Variants in LYSMD2 observed in about 807,000 individuals in gnomAD.
LYSMD2 encodes LysM domain containing 2.
In LYSMD2, 6 loss-of-function variants were observed where a neutral mutation model predicts 17.7. The ratio of observed to expected loss-of-function variants is 0.34; its 90% CI spans 0.19 to 0.67. The LOEUF is 0.67. LYSMD2 is among the 30% of genes least tolerant of loss of function. The pLI is 0.69. For missense variants in LYSMD2, 237 were observed against 286.7 expected, an observed-to-expected ratio of 0.83 and a Z score of 1.25; for synonymous variants, 102 against 129.8, an observed-to-expected ratio of 0.79 and a Z score of 1.45.
chr15:51,730,595 C>T (rs1284989880), intron 1 of LYSMD2, among the ~76,000 whole-genome samples: 1 of 152,188 alleles, frequency 6.6e-6, no homozygotes, highest in Admixed American at 6.5e-5. Context: ...CCAGAAGATA[C>T]CTTAAGAGCA....
At chr15:51,743,843 A>G (rs1474185409) in intron 1 of LYSMD2, among the ~76,000 whole-genome samples, 2 of 152,110 alleles carry the variant, frequency 1.3e-5, no homozygotes, top group East Asian at 3.8e-4. Context: ...ATACCTAAGT[A>G]TTTATTTGTT....
intron 1 of LYSMD2, among the ~76,000 whole-genome samples, chr15:51,733,682 CTA>C: frequency 6.6e-6 from 1 of 152,080 alleles, no homozygotes. Flanking sequence ...TGTTCACAAA[CTA>C]TTAAAAATTT....
Position 51,737,262 on chromosome 15 carries a change from T to TGCCCCCCCCCC in LYSMD2, c.273+87_273+88insGGGGGGGGGGC. ...CCATCCCCCAAACCCCCACCCGCAG[T>TGCCCCCCCCCC]CCCACCCCCACCCCCACCGCACCCC... On this transcript the variant is annotated intron_variant, in intron 1 of 2. Transcript: ENST00000267838. This position sits in a 1 kb window ranked among gnomAD's most constrained non-coding sequence, Gnocchi z 4.2. 3 of 134,040 alleles carry TGCCCCCCCCCC rather than the reference T, an allele frequency of 2.2e-5. No homozygotes were observed. The highest frequency in any genetic ancestry group is 1.9e-4 in the East Asian group (1 of 5,308). The allele number at this position is 134,040 out of a possible 1,614,324, so 8.3% of individuals were successfully genotyped here.
At position 51,737,571 on chromosome 15, in the gene LYSMD2, G is replaced by C; in HGVS notation, c.52C>G (p.Pro18Ala). Reference sequence around the variant, plus strand: ...GGCGGCGAGGGGGCCGAGGGCCGCGGCGCGCGGGGGCCGCCTTCCCGCAGG... The same window carrying C: ...GGCGGCGAGGGGGCCGAGGGCCGCGCCGCGCGGGGGCCGCCTTCCCGCAGG... ...LSLREGGPRA[P>A]RPSAPSPPPR... Residue 18 changes from proline (P) to alanine (A), a missense_variant, in exon 1 of 3, where the codon CCG (proline) becomes GCG (alanine). Coordinates refer to ENST00000267838, the MANE Select transcript of LYSMD2 (RefSeq NM_153374.3). The surrounding 1 kb of genome is among the most constrained non-coding windows in gnomAD (Gnocchi z 4.2). 8.2e-7 allele frequency: 1 copy of C among 1,219,560 alleles called. No individual in the cohort carries two copies. The highest frequency in any genetic ancestry group is 1.0e-6 in the Non-Finnish European group (1 of 982,060). The allele number at this position is 1,219,560 out of a possible 1,614,324, so 75.5% of individuals were successfully genotyped here. A position where few individuals can be genotyped will look rare whatever the true frequency, so the allele number is the denominator to read the frequency against.
chr15:51,747,031 A>AG (rs2055671384), intron 1 of LYSMD2, among the ~76,000 whole-genome samples: 1 of 150,716 alleles, frequency 6.6e-6, no homozygotes, highest in Non-Finnish European at 1.5e-5. Flanking sequence ...AAAAAAAAAA[A>AG]AAAAAAAAAA....
upstream of LYSMD2, chr15:51,737,726 G>T (rs1891965072): frequency 3.3e-6 from 3 of 897,868 alleles, no homozygotes; most frequent in South Asian, 1.1e-4. This position sits in a 1 kb window ranked among gnomAD's most constrained non-coding sequence, Gnocchi z 4.2. Flanking sequence ...GGCTGCAGCA[G>T]GCCGTTCCGC....
chr15:51,745,239 T>G (rs1161268241), intron 1 of LYSMD2, among the ~76,000 whole-genome samples: 3 of 152,100 alleles, frequency 2.0e-5, no homozygotes, highest in Non-Finnish European at 4.4e-5. Context: ...ATAGAACACT[T>G]TCTAACTCAT....
At chr15:51,735,682 G>A (rs1479301208) in intron 1 of LYSMD2, among the ~76,000 whole-genome samples, 1 of 152,206 alleles carries the variant, frequency 6.6e-6, no homozygotes, top group Admixed American at 6.5e-5. Flanking sequence ...TGAGTAATAG[G>A]ATCTATATTA....
At chr15:51,735,766 T>C (rs143105946) in intron 1 of LYSMD2, among the ~76,000 whole-genome samples, 62 of 152,352 alleles carry the variant, frequency 4.1e-4, no homozygotes, top group African/African-American at 1.4e-3. Flanking sequence ...GAGTTATCTA[T>C]AATCAACTCA....
rs140226816 is a variant in LYSMD2 at position 51,725,019 on chromosome 15, T to C, written c.376A>G (p.Asn126Asp). The C allele has an allele frequency of 4.2e-5, 67 of 1,613,964 alleles. No individual in the cohort carries two copies. The African/African-American group carries it at 6.4e-4, about 15-fold the overall frequency. ...GGAGAATCAATGGAGTTAAGTCCAT[T>C]AAACAACAAAGGCTTCTCTGATATA... Reference protein sequence around the residue: ...PVISEKPLLFNGLNSIDSPEN... With the variant: ...PVISEKPLLFDGLNSIDSPEN... Residue 126 changes from asparagine to aspartate, a missense_variant, in exon 2 of 3, where the codon AAT (asparagine) becomes GAT (aspartate). By Grantham distance (23) the Asn-to-Asp change is conservative. Coordinates refer to ENST00000267838, the MANE Select transcript of LYSMD2 (RefSeq NM_153374.3).
intron 1 of LYSMD2, among the ~76,000 whole-genome samples, chr15:51,733,209 C>T (rs537570737): frequency 6.6e-6 from 1 of 152,062 alleles, no homozygotes; most frequent in East Asian, 1.9e-4. Context: ...CCCTTACCTC[C>T]TTCTCAGCAA....
In LYSMD2 at chr15:51,737,155, C is replaced by T. The variant is rs2055614940; in HGVS notation, c.273+195G>A. On this transcript the variant is annotated intron_variant, in intron 1 of 2. Coordinates refer to ENST00000267838, the MANE Select transcript of LYSMD2 (RefSeq NM_153374.3). This position sits in a 1 kb window ranked among gnomAD's most constrained non-coding sequence, Gnocchi z 4.2. Reference sequence around the variant, plus strand: ...CCCGCTGCAGGACCAGCTTTGGCGACCACTGCGGTGGCCAGCAGCGCGCGC... The same window carrying T: ...CCCGCTGCAGGACCAGCTTTGGCGATCACTGCGGTGGCCAGCAGCGCGCGC... Among the ~76,000 whole-genome samples the T allele has an allele frequency of 6.6e-6, 1 of 152,184 alleles. No homozygotes were observed. The highest frequency in any genetic ancestry group is 1.5e-5 in the Non-Finnish European group (1 of 68,024).
Position 51,737,592 on chromosome 15 carries a change from G to A in LYSMD2, c.31C>T (p.Arg11Trp). The part of the protein sequence containing the change: MADSSPALSL[R>W]EGGPRAPRPS... ...CGCGGCGCGCGGGGGCCGCCTTCCC[G>A]CAGGGACAGTGCGGGCGAGGAATCC... The change falls in exon 1 of 3, where the codon CGG (arginine) becomes TGG (tryptophan). Residue 11 changes from arginine to tryptophan, a missense_variant. By Grantham distance (101) the Arg-to-Trp change is moderately radical. Transcript: ENST00000267838. The surrounding 1 kb of genome is among the most constrained non-coding windows in gnomAD (Gnocchi z 4.2). 1 of 1,215,772 alleles carries A rather than the reference G, an allele frequency of 8.2e-7. No homozygotes were observed. The highest frequency in any genetic ancestry group is 1.0e-6 in the Non-Finnish European group (1 of 979,220). The allele number at this position is 1,215,772 out of a possible 1,614,324, so 75.3% of individuals were successfully genotyped here. A position where few individuals can be genotyped will look rare whatever the true frequency, so the allele number is the denominator to read the frequency against.
chr15:51,742,065 C>T (rs1457885854), upstream of LYSMD2, among the ~76,000 whole-genome samples: 2 of 150,964 alleles, frequency 1.3e-5, no homozygotes, highest in Non-Finnish European at 2.9e-5. Flanking sequence ...GACGGAGTCT[C>T]GCTCTGTCGC....
At chr15:51,740,294 A>G (rs918842855), upstream of LYSMD2, among the ~76,000 whole-genome samples, 2 of 152,214 alleles carry the variant, frequency 1.3e-5, no homozygotes, top group Non-Finnish European at 2.9e-5. Flanking sequence ...TTTAAAAAAA[A>G]GAACTGAGTT....
rs2055512386 is a variant in LYSMD2, at chr15:51,723,019, A to G, written c.*588T>C. On this transcript the variant is annotated 3_prime_UTR_variant, in exon 3 of 3. Transcript: ENST00000267838. ...CTGTCAGCATTTAAATGTATAATTT[A>G]AAAGTCAATTTTATTTTCTCATTTG... is the stretch of plus-strand genomic sequence containing the variant. 2.0e-5 allele frequency: 3 copies of G among 152,116 alleles called. No individual in the cohort carries two copies. Among genetic ancestry groups the G allele is most frequent in the Admixed American group, 1.3e-4 (2 of 15,272 alleles). 9.4% of individuals were successfully genotyped at this position (152,116 alleles called of 1,614,324 possible). A position where few individuals can be genotyped will look rare whatever the true frequency, so the allele number is the denominator to read the frequency against.
At chr15:51,723,854 AAAT>A (rs1370415311) in intron 2 of LYSMD2, among the ~76,000 whole-genome samples, 2 of 152,030 alleles carry the variant, frequency 1.3e-5, no homozygotes, top group Non-Finnish European at 2.9e-5. Flanking sequence ...TTATTAGAAT[AAAT>A]AATGTCATTC....
chr15:51,737,514 C>T lies in LYSMD2; in HGVS notation c.109G>A (p.Glu37Lys). 1 of 1,283,270 alleles carries T rather than the reference C, an allele frequency of 7.8e-7. No individual in the cohort carries two copies. The highest frequency in any genetic ancestry group is 9.8e-7 in the Non-Finnish European group (1 of 1,018,046). The allele number at this position is 1,283,270 out of a possible 1,614,324, so 79.5% of individuals were successfully genotyped here. Residue 37 changes from glutamate to lysine, a missense_variant, in exon 1 of 3, where the codon GAG becomes AAG. Coordinates refer to ENST00000267838, the MANE Select transcript of LYSMD2 (RefSeq NM_153374.3). This position sits in a 1 kb window ranked among gnomAD's most constrained non-coding sequence, Gnocchi z 4.2. ...PRSRSGSESE[E>K]AELSLSLART... ...GCCAGGCTCAGCGACAGCTCGGCCTCCTCGGACTCGGAGCCGGAGCGCGAG... is the reference window on the plus strand; with the variant it reads ...GCCAGGCTCAGCGACAGCTCGGCCTTCTCGGACTCGGAGCCGGAGCGCGAG...
chr15:51,741,372 A>C (rs184138228), upstream of LYSMD2, among the ~76,000 whole-genome samples: 45 of 152,362 alleles, frequency 3.0e-4, no homozygotes, highest in African/African-American at 1.1e-3. Flanking sequence ...AGATTGATTA[A>C]AGACATAATT....
Sources: allele counts gnomAD v4.1 joint callset (sites outside exome capture counted in the v4.1 genomes callset), GRCh38; gene constraint gnomAD v4.1.1; non-coding constraint Gnocchi (gnomAD v3.1); transcripts MANE v1.5; gene names NCBI Gene and HGNC (gene_info 2026-07-23, HGNC 2026-07-21).